Variants in TENM2 observed in about 807,000 individuals in gnomAD.
TENM2 encodes teneurin transmembrane protein 2.
Under a neutral mutation model 245.2 loss-of-function variants are expected in TENM2, and 52 were observed. That is an observed-to-expected ratio of 0.21 (90% confidence interval 0.17 to 0.27). TENM2 has a LOEUF of 0.27. Among genes scored for constraint, TENM2 ranks in the 10% least tolerant of loss-of-function variants. The pLI, the probability that TENM2 is intolerant of heterozygous loss-of-function variation, is 1.00. For synonymous variants in TENM2, 1,363 were observed against 1,438.9 expected (o/e 0.95, Z 1.19); for missense variants, 3,046 against 3,666.8 (o/e 0.83, Z 4.37).
At chr5:168,165,336 G>T (rs1758123068) in intron 13 of TENM2, among the ~76,000 whole-genome samples, 1 of 152,124 alleles carries the variant, frequency 6.6e-6, no homozygotes, top group Non-Finnish European at 1.5e-5. Flanking sequence ...ATTGAGCACA[G>T]CGGTTGCTTA....
At chr5:167,214,294 A>G in the TENM2 span, among the ~76,000 whole-genome samples, 1 of 152,178 alleles carries the variant, frequency 6.6e-6, no homozygotes, top group Admixed American at 6.5e-5. Context: ...ATTCCTGAAA[A>G]TTTAACAAGT....
At chr5:167,481,806 G>T (rs966241305) in intron 2 of TENM2, among the ~76,000 whole-genome samples, 1 of 152,110 alleles carries the variant, frequency 6.6e-6, no homozygotes, top group Non-Finnish European at 1.5e-5. Context: ...TACTAGACTG[G>T]TATTACAAAA....
intron 2 of TENM2, among the ~76,000 whole-genome samples, chr5:167,773,604 T>G (rs1254627369): frequency 6.6e-6 from 1 of 152,162 alleles, no homozygotes; most frequent in Non-Finnish European, 1.5e-5. Context: ...TTCTTACCCT[T>G]GTTGTTCTTT....
intron 3 of TENM2, among the ~76,000 whole-genome samples, chr5:167,877,079 C>A (rs2151387523): frequency 6.6e-6 from 1 of 152,238 alleles, no homozygotes; most frequent in South Asian, 2.1e-4. Flanking sequence ...GAGACATTTG[C>A]AAAAATTAAT....
At chr5:168,018,998 A>C (rs547062475) in intron 5 of TENM2, among the ~76,000 whole-genome samples, 2 of 152,302 alleles carry the variant, frequency 1.3e-5, no homozygotes, top group East Asian at 3.9e-4. Context: ...TGTTGGTATC[A>C]GAGAGTACTT....
rs1472357750 is a variant in TENM2, at chr5:168,162,086, C to A, written c.2423-525C>A. Among the ~76,000 whole-genome samples, 5 of 152,194 alleles carry A rather than the reference C, an allele frequency of 3.3e-5. No homozygotes were observed. In the East Asian group the frequency reaches 9.7e-4, roughly 29 times the overall value. ...TACCTGTACAAGCATATGAAAATAG[C>A]CCAGCAGAACCATCCAGTTTTCAGT... On this transcript the variant is annotated intron_variant, in intron 12 of 28. Transcript: ENST00000518659.
chr5:167,378,150 G>A (rs1257270794), intron 2 of TENM2, among the ~76,000 whole-genome samples: 5 of 152,022 alleles, frequency 3.3e-5, no homozygotes, highest in African/African-American at 1.2e-4. Context: ...ATTTTGCTAA[G>A]CATAGTTAAT....
the TENM2 span, chr5:167,168,149 G>A: frequency 6.6e-6 from 1 of 152,202 alleles, no homozygotes; most frequent in African/African-American, 2.4e-5. Context: ...TCAACTTCAA[G>A]TTAGTTATAG....
intron 3 of TENM2, among the ~76,000 whole-genome samples, chr5:167,928,724 T>C (rs1777954077): frequency 6.6e-6 from 1 of 151,470 alleles, no homozygotes; most frequent in Admixed American, 6.6e-5. Flanking sequence ...TGAAACCCCA[T>C]CTCTACTAAA....
chr5:167,100,487 C>T, the TENM2 span, among the ~76,000 whole-genome samples: 1 of 152,138 alleles, frequency 6.6e-6, no homozygotes, highest in Non-Finnish European at 1.5e-5. Flanking sequence ...GCTGCCAGAC[C>T]ACCTTCATTT....
At position 167,907,031 on chromosome 5, in the gene TENM2, G is replaced by A. The variant is rs572011184; in HGVS notation, c.712+30836G>A. On this transcript the variant is annotated intron_variant, in intron 3 of 28. Transcript: ENST00000518659. ...GCGGATCACCTGAGGTAGGGAGTTC[G>A]AGACCAGCCTGACCAACATGAAGAA... is the stretch of plus-strand genomic sequence containing the variant. Among the ~76,000 whole-genome samples, 12 of 152,158 alleles carry A rather than the reference G, an allele frequency of 7.9e-5. 1 individual carries two copies. In the East Asian group the frequency reaches 1.9e-3, roughly 25 times the overall value.
chr5:167,806,854 C>T (rs1332957479), intron 2 of TENM2, among the ~76,000 whole-genome samples: 1 of 151,924 alleles, frequency 6.6e-6, no homozygotes, highest in African/African-American at 2.4e-5. Flanking sequence ...TCCCAGTTGT[C>T]CTCTCCCAGT....
intron 5 of TENM2, among the ~76,000 whole-genome samples, chr5:168,028,301 A>C (rs1160356131): frequency 1.3e-5 from 2 of 152,188 alleles, no homozygotes; most frequent in East Asian, 3.8e-4. Context: ...GGTTGATAAA[A>C]AGAGGAGTCC....
At chr5:167,079,470 T>TGAGTA in the TENM2 span, among the ~76,000 whole-genome samples, 1 of 151,064 alleles carries the variant, frequency 6.6e-6, no homozygotes, top group Non-Finnish European at 1.5e-5. Context: ...TGCGCCACCA[T>TGAGTA]GCCTGGCAAA....
At chr5:167,435,975 CTTT>C (rs71591181) in intron 2 of TENM2, among the ~76,000 whole-genome samples, 1 of 83,138 alleles carries the variant, frequency 1.2e-5, no homozygotes. Flanking sequence ...CTTTTTTTTT[CTTT>C]TTTTTTTTTT....
At chr5:167,431,940 C>CACACATATATATACAT (rs1561950212) in intron 2 of TENM2, among the ~76,000 whole-genome samples, 10 of 65,856 alleles carry the variant, frequency 1.5e-4, no homozygotes, top group African/African-American at 5.9e-4. Flanking sequence ...TATATATATA[C>CACACATATATATACAT]ATATATATGT....
At chr5:167,429,268 C>T (rs7701318) in intron 2 of TENM2, among the ~76,000 whole-genome samples, 26,293 of 152,130 alleles carry the variant, frequency 0.17, 2,450 homozygotes, top group Middle Eastern at 0.25. Flanking sequence ...TGTTCCTCTC[C>T]ATGCAGCAAG....
intron 7 of TENM2, among the ~76,000 whole-genome samples, chr5:168,071,273 G>A (rs1790993257): frequency 6.6e-6 from 1 of 152,202 alleles, no homozygotes; most frequent in Non-Finnish European, 1.5e-5. Context: ...TAGAAATGGT[G>A]TAAGCTATTA....
chr5:167,871,884 C>A (rs1772857217), intron 2 of TENM2, among the ~76,000 whole-genome samples: 1 of 152,162 alleles, frequency 6.6e-6, no homozygotes, highest in Admixed American at 6.5e-5. Flanking sequence ...TCAGTTTTCT[C>A]CCCTGTACTT....
Sources: gnomAD v4.1 joint callset for allele counts (sites outside exome capture counted in the v4.1 genomes callset) on GRCh38, gnomAD v4.1.1 for gene constraint, MANE v1.5 for transcripts, NCBI Gene and HGNC (gene_info 2026-07-23, HGNC 2026-07-21) for gene names.